Variants in CSMD1 observed in about 807,000 individuals in gnomAD.
CSMD1 encodes the protein CUB and sushi domain-containing protein 1.
A neutral mutation model predicts 417.5 loss-of-function variants in CSMD1; 213 were observed. That is an observed-to-expected ratio of 0.51 (90% CI 0.46 to 0.57). The LOEUF is 0.57. Among genes scored for constraint, CSMD1 ranks in the 20% least tolerant of loss-of-function variants. The pLI is 0.00. For synonymous variants in CSMD1, 2,862 were observed against 1,736.8 expected, an observed-to-expected ratio of 1.65 and a Z score of -16.11; for missense variants, 6,923 against 4,529.7, an observed-to-expected ratio of 1.53 and a Z score of -15.17.
At chr8:4,115,740 C>G (rs1802100045) in intron 3 of CSMD1, among the ~76,000 whole-genome samples, 1 of 151,020 alleles carries the variant, frequency 6.6e-6, no homozygotes, top group Non-Finnish European at 1.5e-5. Context: ...AATGGACTGT[C>G]AATATTCAGT....
At chr8:3,304,614 ATAAATTT>A (rs1191789447) in intron 25 of CSMD1, among the ~76,000 whole-genome samples, 2 of 150,658 alleles carry the variant, frequency 1.3e-5, no homozygotes, top group Admixed American at 1.3e-4. Context: ...AGATGTATTT[ATAAATTT>A]GATAGTGTGT....
chr8:3,252,651 T>C (rs1380055156), intron 26 of CSMD1, among the ~76,000 whole-genome samples: 1 of 152,206 alleles, frequency 6.6e-6, no homozygotes, highest in Non-Finnish European at 1.5e-5. Flanking sequence ...AGTTCCTCCT[T>C]ATACCTCTGG....
At chr8:4,906,428 T>C (rs768853943) in intron 1 of CSMD1, among the ~76,000 whole-genome samples, 26 of 152,348 alleles carry the variant, frequency 1.7e-4, no homozygotes, top group Admixed American at 5.2e-4. Flanking sequence ...CCCCAGCAAC[T>C]TAAAGGACCA....
rs569559367 is a variant in CSMD1 at position 3,528,635 on chromosome 8, T to G, written c.1345-34909A>C. ...TACAAATTTATATTAACTGACTAATTAAATGTCTTGAAATTCTTCTTGATT... is the reference window on the plus strand; with the variant it reads ...TACAAATTTATATTAACTGACTAATGAAATGTCTTGAAATTCTTCTTGATT... On this transcript the variant is annotated intron_variant, in intron 10 of 69. Coordinates refer to ENST00000635120, the MANE Select transcript of CSMD1 (RefSeq NM_033225.6). Among the ~76,000 whole-genome samples the G allele has an allele frequency of 7.6e-4, 116 of 152,318 alleles. 1 individual carries two copies. Among genetic ancestry groups the G allele is most frequent in the African/African-American group, 2.6e-3 (109 of 41,582 alleles).
intron 11 of CSMD1, among the ~76,000 whole-genome samples, chr8:3,480,228 G>A (rs567917999): frequency 9.2e-5 from 14 of 152,094 alleles, no homozygotes; most frequent in Non-Finnish European, 1.9e-4. Context: ...TGGGTGTGGT[G>A]GCACACACCT....
intron 26 of CSMD1, among the ~76,000 whole-genome samples, chr8:3,230,578 C>A (rs1184547187): frequency 6.6e-6 from 1 of 152,102 alleles, no homozygotes; most frequent in African/African-American, 2.4e-5. Flanking sequence ...AAACCCCATA[C>A]TGCAAATTAC....
At chr8:4,519,689 GCT>G (rs1211848110) in intron 2 of CSMD1, among the ~76,000 whole-genome samples, 5 of 133,460 alleles carry the variant, frequency 3.7e-5, no homozygotes, top group Non-Finnish European at 7.7e-5. Context: ...GTTACAGTGA[GCT>G]GCGATTGTAC....
chr8:4,245,251 C>G (rs575540093), intron 3 of CSMD1, among the ~76,000 whole-genome samples: 331 of 152,284 alleles, frequency 2.2e-3, no homozygotes, highest in African/African-American at 7.6e-3. Flanking sequence ...CAAGCACCTG[C>G]ATTACGCAAT....
chr8:3,338,467 A>G (rs947558513), intron 23 of CSMD1, among the ~76,000 whole-genome samples: 1 of 152,250 alleles, frequency 6.6e-6, no homozygotes, highest in Non-Finnish European at 1.5e-5. Context: ...GAGGGGACCA[A>G]TTCAGGATCC....
At chr8:3,851,780 A>C (rs1420416763) in intron 5 of CSMD1, among the ~76,000 whole-genome samples, 1 of 152,190 alleles carries the variant, frequency 6.6e-6, no homozygotes, top group Non-Finnish European at 1.5e-5. Flanking sequence ...GGAAGTGACC[A>C]CAAGTCAGGT....
In CSMD1 at chr8:3,535,107, C is replaced by A. The variant is rs927293128; in HGVS notation, c.1344+39838G>T. On this transcript the variant is annotated intron_variant, in intron 10 of 69. Transcript: ENST00000635120. ...GGACTACAGGGTGTACCAACATAGT[C>A]AGCTAATATTTTTTTTTTTTAATTT... 5.4e-5 allele frequency among the ~76,000 whole-genome samples: 8 copies of A among 147,398 alleles called. No homozygotes were observed. The East Asian group carries it at 1.4e-3, about 26-fold the overall frequency.
At chr8:4,614,415 T>C (rs919931567) in intron 2 of CSMD1, among the ~76,000 whole-genome samples, 1 of 152,138 alleles carries the variant, frequency 6.6e-6, no homozygotes, top group African/African-American at 2.4e-5. Context: ...GGTCAGAAAA[T>C]CCAGCACCTA....
intron 25 of CSMD1, among the ~76,000 whole-genome samples, chr8:3,293,315 C>G (rs916167684): frequency 5.3e-5 from 8 of 152,186 alleles, no homozygotes; most frequent in East Asian, 3.9e-4. Flanking sequence ...TTGAGTTGCT[C>G]TTCTCGAGGA....
At chr8:4,486,226 CATACATATATATATAT>C (rs1801401833) in intron 2 of CSMD1, among the ~76,000 whole-genome samples, 1 of 10,628 alleles carries the variant, frequency 9.4e-5, no homozygotes, top group African/African-American at 2.9e-4. Context: ...TATATATATA[CATACATATATATATAT>C]ATACATACAT....
intron 1 of CSMD1, among the ~76,000 whole-genome samples, chr8:4,961,051 A>G (rs1462612461): frequency 6.6e-6 from 1 of 152,084 alleles, no homozygotes; most frequent in Non-Finnish European, 1.5e-5. Flanking sequence ...CACCCTACGA[A>G]ATAGTCACTA....
At chr8:4,002,913 A>G (rs1164165326) in intron 4 of CSMD1, among the ~76,000 whole-genome samples, 1 of 152,196 alleles carries the variant, frequency 6.6e-6, no homozygotes, top group Non-Finnish European at 1.5e-5. Context: ...GTCTCAAATT[A>G]AGCATTATCT....
At chr8:3,307,548 C>G (rs1193723046) in intron 25 of CSMD1, 147 bp downstream of exon 25, 2 of 900,570 alleles carry the variant, frequency 2.2e-6, no homozygotes, top group African/African-American at 3.4e-5. Context: ...AGCAAGTGAG[C>G]CAACAAAACT....
intron 2 of CSMD1, among the ~76,000 whole-genome samples, chr8:4,521,381 A>G (rs1452803270): frequency 6.6e-6 from 1 of 152,200 alleles, no homozygotes; most frequent in African/African-American, 2.4e-5. Flanking sequence ...TAGAAAAAGA[A>G]AAAACAAAAC....
intron 2 of CSMD1, among the ~76,000 whole-genome samples, chr8:4,615,363 T>C (rs1371025107): frequency 6.6e-6 from 1 of 152,168 alleles, no homozygotes; most frequent in Non-Finnish European, 1.5e-5. Flanking sequence ...AGCAATGGTG[T>C]TTCTTCTTAT....
Sources: allele counts gnomAD v4.1 joint callset (sites outside exome capture counted in the v4.1 genomes callset), GRCh38; gene constraint gnomAD v4.1.1; transcripts MANE v1.5; gene names NCBI Gene and HGNC (gene_info 2026-07-23, HGNC 2026-07-21).